The following RBM12B variants were observed in gnomAD, a reference collection of about 807,000 sequenced individuals.
RBM12B encodes RNA-binding protein 12B.
Under a neutral mutation model 34.3 loss-of-function variants are expected in RBM12B, and 10 were observed. The ratio of observed to expected loss-of-function variants is 0.29; its 90% CI spans 0.18 to 0.49. The LOEUF is 0.49. Ranked by LOEUF, RBM12B falls within the 20% of genes least tolerant of loss-of-function variation. The pLI is 0.99. For synonymous variants in RBM12B, 477 were observed against 437.1 expected (o/e 1.09, Z -1.14); for missense variants, 1,139 against 1,262.7 (o/e 0.90, Z 1.48).
Position 93,735,249 on chromosome 8 carries a change from G to T in RBM12B, c.1162C>A (p.Gln388Lys), listed in dbSNP as rs774808381. ...GAGTTACCTTCTTGAGAGTATTTTT[G>T]TGAAACATGTCCGGGCCTATCTCTC... ...LERDRPGHVS[Q>K]KYSQEGNSGQ... Residue 388 changes from glutamine to lysine, a missense_variant, in exon 4 of 4, where the codon CAA becomes AAA. By Grantham distance (53) the Gln-to-Lys change is moderately conservative. Transcript: ENST00000520560. 6.8e-6 allele frequency: 11 copies of T among 1,613,850 alleles called. No individual in the cohort carries two copies. The highest frequency in any genetic ancestry group is 9.3e-6 in the Non-Finnish European group (11 of 1,180,030).
Position 93,734,880 on chromosome 8 carries a change from A to G in RBM12B, c.1531T>C (p.Phe511Leu). The change falls in exon 4 of 4, where the codon TTT becomes CTT. Residue 511 changes from phenylalanine (F) to leucine (L), a missense_variant. By Grantham distance (22) the Phe-to-Leu change is conservative. This residue lies in a region of RBM12B where 863 missense variants were observed against 869.5 expected (regional missense o/e 0.99). Transcript: ENST00000520560. Reference protein sequence around the residue: ...SRERGDHSHLFDSKDPPIYSV... With the variant: ...SRERGDHSHLLDSKDPPIYSV... ...TATATTGGTGGGTCTTTTGAGTCAA[A>G]TAAATGGGAATGGTCACCTCGCTCA... 2 of 1,614,162 alleles carry G rather than the reference A, an allele frequency of 1.2e-6. No homozygotes were observed. Among genetic ancestry groups the G allele is most frequent in the East Asian group, 4.5e-5 (2 of 44,878 alleles).
At position 93,735,382 on chromosome 8, in the gene RBM12B, T is replaced by G; in HGVS notation, c.1029A>C (p.Leu343Phe). 1 of 1,613,586 alleles carries G rather than the reference T, an allele frequency of 6.2e-7. No homozygotes were observed. Among genetic ancestry groups the G allele is most frequent in the Non-Finnish European group, 8.5e-7 (1 of 1,179,688 alleles). ...TLKDYNTALS[L>F]HKTVLQYRPV... Reference sequence around the variant, plus strand: ...GACGATATTGTAAAACAGTCTTATGTAAACTCAGAGCGGTATTATAGTCTT... The same window carrying G: ...GACGATATTGTAAAACAGTCTTATGGAAACTCAGAGCGGTATTATAGTCTT... Residue 343 changes from leucine to phenylalanine, a missense_variant, in exon 4 of 4, where the codon TTA (leucine) becomes TTC (phenylalanine). Coordinates refer to ENST00000520560, the MANE Select transcript of RBM12B (RefSeq NM_001377960.1).
rs1277819350 is a variant in RBM12B, at chr8:93,729,393, A to AT, written c.*4011dup. ...AATTGATATTCTTAAGAAACTCAAG[A>AT]TATCATTGGATATTTACTGCTTCCT... is the stretch of plus-strand genomic sequence containing the variant. On this transcript the variant is annotated 3_prime_UTR_variant, in exon 4 of 4. Transcript: ENST00000520560. 1 of 152,150 alleles carries AT rather than the reference A, an allele frequency of 6.6e-6. No homozygotes were observed. The highest frequency in any genetic ancestry group is 1.5e-5 in the Non-Finnish European group (1 of 67,998). The allele number at this position is 152,150 out of a possible 1,614,324, so 9.4% of individuals were successfully genotyped here.
In RBM12B at chr8:93,735,235, T is replaced by C; in HGVS notation, c.1176A>G (p.Gln392=). ...RPGHVSQKYS[Q]EGNSGQKLCI... The stretch of plus-strand genomic sequence containing the variant: ...ACAGTTTCTGGCCAGAGTTACCTTC[T>C]TGAGAGTATTTTTGTGAAACATGTC... Residue 392 remains glutamine, a synonymous_variant, in exon 4 of 4, where the codon CAA becomes CAG. Transcript: ENST00000520560. The C allele has an allele frequency of 6.2e-7, 1 of 1,614,096 alleles. No homozygotes were observed. The highest frequency in any genetic ancestry group is 1.1e-5 in the South Asian group (1 of 91,086).
At position 93,733,994 on chromosome 8, in the gene RBM12B, G is replaced by C; in HGVS notation, c.2417C>G (p.Pro806Arg). The C allele has an allele frequency of 6.2e-7, 1 of 1,612,684 alleles. No homozygotes were observed. The highest frequency in any genetic ancestry group is 1.1e-5 in the South Asian group (1 of 91,038). The change falls in exon 4 of 4, where the codon CCA becomes CGA. Residue 806 changes from proline to arginine, a missense_variant. Physicochemically the swap from Pro to Arg is moderately radical, Grantham distance 103 (BLOSUM62 -2). This residue lies in a region of RBM12B where 863 missense variants were observed against 869.5 expected (regional missense o/e 0.99). Transcript: ENST00000520560. ...AGGGCCCCTGAAGTCTTCATCTGGT[G>C]GGTGCCTGAAATCTTCCTCTCGGGA... ...RRSREEDFRH[P>R]PDEDFRGPPD... is the part of the protein sequence containing the mutation.
Position 93,731,889 on chromosome 8 carries a change from T to TC in RBM12B, c.*1515dup, listed in dbSNP as rs779800437. 6.6e-5 allele frequency: 10 copies of TC among 152,430 alleles called. 1 individual carries two copies. The highest frequency in any genetic ancestry group is 8.8e-5 in the Non-Finnish European group (6 of 67,968). The allele number at this position is 152,430 out of a possible 1,614,324, so 9.4% of individuals were successfully genotyped here. A position where few individuals can be genotyped will look rare whatever the true frequency, so the allele number is the denominator to read the frequency against. On this transcript the variant is annotated 3_prime_UTR_variant, in exon 4 of 4. Transcript: ENST00000520560. ...GATAGAAAGAAACTTTTAAAGTCAC[T>TC]CTTTTTTTTTTTATTAGTAATGTTA...
At chr8:93,740,571 C>T (rs1170798162) in intron 2 of RBM12B, 58 bp downstream of exon 2, 1 of 452,804 alleles carries the variant, frequency 2.2e-6, no homozygotes. Flanking sequence ...ACGAGCTGGG[C>T]CTGCAGCGCT....
In RBM12B at chr8:93,728,765, T is replaced by C. The variant is rs1811666291; in HGVS notation, c.*4640A>G. 1 of 152,088 alleles carries C rather than the reference T, an allele frequency of 6.6e-6. No homozygotes were observed. 9.4% of individuals were successfully genotyped at this position (152,088 alleles called of 1,614,324 possible). A position where few individuals can be genotyped will look rare whatever the true frequency, so the allele number is the denominator to read the frequency against. On this transcript the variant is annotated 3_prime_UTR_variant, in exon 4 of 4. Coordinates refer to ENST00000520560, the MANE Select transcript of RBM12B (RefSeq NM_001377960.1). Reference sequence around the variant, plus strand: ...TTTAACTTTCCCTGAAACTTTATCATTTGATAAGTAAATTTACTTTTCAAG... The same window carrying C: ...TTTAACTTTCCCTGAAACTTTATCACTTGATAAGTAAATTTACTTTTCAAG...
rs200320187 is a variant in RBM12B at position 93,735,407 on chromosome 8, T to G, written c.1004A>C (p.Lys335Thr). 7.7e-5 allele frequency: 124 copies of G among 1,613,290 alleles called. No homozygotes were observed. The highest frequency in any genetic ancestry group is 1.0e-4 in the Non-Finnish European group (121 of 1,179,590). The change falls in exon 4 of 4, where the codon AAA (lysine) becomes ACA (threonine). Residue 335 changes from lysine to threonine, a missense_variant. Physicochemically the swap from Lys to Thr is moderately conservative, Grantham distance 78. Coordinates refer to ENST00000520560, the MANE Select transcript of RBM12B (RefSeq NM_001377960.1). Reference protein sequence around the residue: ...RYAFVMFKTLKDYNTALSLHK... With the variant: ...RYAFVMFKTLTDYNTALSLHK... ...TAAACTCAGAGCGGTATTATAGTCT[T>G]TCAGAGTCTTGAACATCACAAAGGC... is the stretch of plus-strand genomic sequence containing the variant.
At position 93,734,670 on chromosome 8, in the gene RBM12B, G is replaced by A. The variant is rs749423709; in HGVS notation, c.1741C>T (p.Arg581Ter). The A allele has an allele frequency of 4.3e-6, 7 of 1,612,826 alleles. No homozygotes were observed. Among genetic ancestry groups the A allele is most frequent in the Admixed American group, 1.7e-5 (1 of 59,956 alleles). ...CGCCTGAAGTCTTCCTCCCTAGGTCGCCTGAAGTCCTCTGGGGAGTGCCTG... is the reference window on the plus strand; with the variant it reads ...CGCCTGAAGTCTTCCTCCCTAGGTCACCTGAAGTCCTCTGGGGAGTGCCTG... ...DFRHSPEDFR[R>*]PREEDFRRPS... The change falls in exon 4 of 4, where the codon CGA becomes TGA. Residue 581 changes from arginine (R) to a stop codon, truncating the protein, a stop_gained. Coordinates refer to ENST00000520560, the MANE Select transcript of RBM12B (RefSeq NM_001377960.1). LOFTEE classifies it low-confidence loss of function (END_TRUNC).
chr8:93,734,570 G>C lies in RBM12B; in HGVS notation c.1841C>G (p.Pro614Arg), dbSNP rs1000218085. The C allele has an allele frequency of 1.5e-5, 25 of 1,613,436 alleles. No individual in the cohort carries two copies. Among genetic ancestry groups the C allele is most frequent in the Non-Finnish European group, 2.0e-5 (24 of 1,179,768 alleles). Residue 614 changes from proline to arginine, a missense_variant, in exon 4 of 4, where the codon CCT (proline) becomes CGT (arginine). Physicochemically the swap from Pro to Arg is moderately radical, Grantham distance 103 (BLOSUM62 -2). Coordinates refer to ENST00000520560, the MANE Select transcript of RBM12B (RefSeq NM_001377960.1). Reference protein sequence around the residue: ...RRPPEDDFRHPREEDWRRPLE... With the variant: ...RRPPEDDFRHRREEDWRRPLE... ...GGGCCTCCTCCAGTCCTCCTCCCTAGGGTGCCTGAAGTCATCCTCCGGAGG... is the reference window on the plus strand; with the variant it reads ...GGGCCTCCTCCAGTCCTCCTCCCTACGGTGCCTGAAGTCATCCTCCGGAGG...
rs1388090546 is a variant in RBM12B, at chr8:93,733,618, A to G, written c.2793T>C (p.Asn931=). 4 of 1,613,828 alleles carry G rather than the reference A, an allele frequency of 2.5e-6. No individual in the cohort carries two copies. The highest frequency in any genetic ancestry group is 3.4e-6 in the Non-Finnish European group (4 of 1,179,926). The change falls in exon 4 of 4, where the codon AAT becomes AAC. Residue 931 remains asparagine (N), a synonymous_variant. Coordinates refer to ENST00000520560, the MANE Select transcript of RBM12B (RefSeq NM_001377960.1). ...SGRVTPIKIM[N]LPFKANVNEI... is the part of the protein sequence containing the mutation. ...CATTCACATTAGCTTTAAATGGAAG[A>G]TTCATTATCTTAATAGGAGTTACTC...
In RBM12B at chr8:93,735,640, T is replaced by C. The variant is rs185164442; in HGVS notation, c.771A>G (p.Arg257=). Residue 257 remains arginine, a synonymous_variant, in exon 4 of 4, where the codon AGA becomes AGG. Transcript: ENST00000520560. The part of the protein sequence containing the change: ...LRRSEEHSPP[R]GINDRHFRKR... ...TTCGAAAATGTCTATCATTAATTCC[T>C]CTTGGTGGAGAATGTTCTTCAGATC... 1.3e-4 allele frequency: 217 copies of C among 1,614,166 alleles called. 1 individual carries two copies. The East Asian group carries it at 3.9e-3, about 29-fold the overall frequency.
chr8:93,733,490 A>G lies in RBM12B; in HGVS notation c.2921T>C (p.Ile974Thr). 6.2e-7 allele frequency: 1 copy of G among 1,608,130 alleles called. No individual in the cohort carries two copies. Among genetic ancestry groups the G allele is most frequent in the South Asian group, 1.1e-5 (1 of 90,622 alleles). The change falls in exon 4 of 4, where the codon ATA (isoleucine) becomes ACA (threonine). Residue 974 changes from isoleucine to threonine, a missense_variant. Around this residue, in one of 3 missense-constraint regions of RBM12B, gnomAD observed 60 missense variants for 101.0 expected, o/e 0.59. Coordinates refer to ENST00000520560, the MANE Select transcript of RBM12B (RefSeq NM_001377960.1). ...LPTGEAIVAM[I>T]NYNEAMAAIK... Reference sequence around the variant, plus strand: ...AGCAGCCATAGCTTCATTATAGTTTATCATAGCAACAATGGCTTCCCCTGT... The same window carrying G: ...AGCAGCCATAGCTTCATTATAGTTTGTCATAGCAACAATGGCTTCCCCTGT...
In RBM12B at chr8:93,734,166, G is replaced by A. The variant is rs752077182; in HGVS notation, c.2245C>T (p.Arg749Trp). Residue 749 changes from arginine (R) to tryptophan (W), a missense_variant, in exon 4 of 4, where the codon CGG (arginine) becomes TGG (tryptophan). Around this residue, in one of 3 missense-constraint regions of RBM12B, gnomAD observed 863 missense variants for 869.5 expected, o/e 0.99. Coordinates refer to ENST00000520560, the MANE Select transcript of RBM12B (RefSeq NM_001377960.1). Reference sequence around the variant, plus strand: ...CGCCGGAAGTGCTCTGGGGGAGGCCGCCTAAAATGCTCTGGAGGTGGTCTC... The same window carrying A: ...CGCCGGAAGTGCTCTGGGGGAGGCCACCTAAAATGCTCTGGAGGTGGTCTC... ...FRRPPPEHFR[R>W]PPPEHFRRPP... is the part of the protein sequence containing the mutation. 33 of 1,569,824 alleles carry A rather than the reference G, an allele frequency of 2.1e-5. No homozygotes were observed. The highest frequency in any genetic ancestry group is 1.1e-4 in the East Asian group (5 of 44,436).
chr8:93,735,003 C>A lies in RBM12B; in HGVS notation c.1408G>T (p.Val470Leu). 1.2e-6 allele frequency: 2 copies of A among 1,614,108 alleles called. No individual in the cohort carries two copies. ...GCCTCAGATATAAGTCTTAATAACA[C>A]CTCTGTCCCTAGGAATCTTCGTCGG... is the stretch of plus-strand genomic sequence containing the variant. ...LNRRRFLGTE[V>L]LLRLISEAQI... is the part of the protein sequence containing the mutation. Residue 470 changes from valine (V) to leucine (L), a missense_variant, in exon 4 of 4, where the codon GTG becomes TTG. Around this residue, in one of 3 missense-constraint regions of RBM12B, gnomAD observed 863 missense variants for 869.5 expected, o/e 0.99. Transcript: ENST00000520560.
In RBM12B at chr8:93,733,903, T is replaced by C; in HGVS notation, c.2508A>G (p.Arg836=). The C allele has an allele frequency of 6.2e-7, 1 of 1,611,068 alleles. No homozygotes were observed. Among genetic ancestry groups the C allele is most frequent in the East Asian group, 2.2e-5 (1 of 44,634 alleles). The change falls in exon 4 of 4, where the codon AGA becomes AGG. Residue 836 remains arginine (R), a synonymous_variant. Coordinates refer to ENST00000520560, the MANE Select transcript of RBM12B (RefSeq NM_001377960.1). ...GCCTGAAGTCCTCATCAGAAGGGCA[T>C]CTAAAATCTTCCTCCTGGGGGCTCC... ...DFRSPQEEDF[R]CPSDEDFRQL... is the part of the protein sequence containing the mutation.
chr8:93,734,281 G>C lies in RBM12B; in HGVS notation c.2130C>G (p.Ser710=), dbSNP rs780531024. ...RRPPEEDFRH[S]PEEDFRQSPQ... ...GTGACTGCCTGAAGTCCTCCTCAGG[G>C]GAATGCCTGAAATCCTCCTCTGGGG... Residue 710 remains serine (S), a synonymous_variant, in exon 4 of 4, where the codon TCC becomes TCG. Transcript: ENST00000520560. 2 of 1,612,526 alleles carry C rather than the reference G, an allele frequency of 1.2e-6. No homozygotes were observed. The highest frequency in any genetic ancestry group is 2.2e-5 in the South Asian group (2 of 90,982).
chr8:93,737,504 G>C (rs1812057260), intron 2 of RBM12B, 149 bp from the exon 3 acceptor site: 1 of 152,096 alleles, frequency 6.6e-6, no homozygotes, highest in African/African-American at 2.4e-5. Flanking sequence ...ATGGTCTTTT[G>C]TTCCAAGGGG....
Sources: allele counts gnomAD v4.1 joint callset, GRCh38; gene constraint gnomAD v4.1.1; regional missense constraint gnomAD v4.1.1; transcripts MANE v1.5; gene names NCBI Gene and HGNC (gene_info 2026-07-23, HGNC 2026-07-21).